ERG: variants seen among roughly 807,000 people sequenced by gnomAD.
The protein encoded by ERG is transcriptional regulator ERG.
ERG carries 9 observed loss-of-function variants against 55.3 expected under a neutral mutation model. The ratio of observed to expected loss-of-function variants is 0.16; its 90% CI spans 0.10 to 0.28. The LOEUF (loss-of-function observed/expected upper bound fraction) is 0.28. ERG is among the 10% of genes least tolerant of loss of function. The pLI, the probability that ERG is intolerant of heterozygous loss-of-function variation, is 1.00. For synonymous variants in ERG, 223 were observed against 237.3 expected (o/e 0.94, Z 0.55); for missense variants, 434 against 631.6 (o/e 0.69, Z 3.35).
chr21:38,530,140 A>C (rs2059661874), intron 2 of ERG, among the ~76,000 whole-genome samples: 1 of 150,042 alleles, frequency 6.7e-6, no homozygotes, highest in Admixed American at 6.7e-5. Flanking sequence ...GCTCACTGCA[A>C]CCTCCGCCTC....
intron 1 of ERG, among the ~76,000 whole-genome samples, chr21:38,452,075 A>C (rs2058946593): frequency 6.6e-6 from 1 of 152,248 alleles, no homozygotes; most frequent in African/African-American, 2.4e-5. Flanking sequence ...ACTATAAAAA[A>C]AATCTTGGAT....
intron 2 of ERG, among the ~76,000 whole-genome samples, chr21:38,557,104 T>A (rs1384632201): frequency 6.6e-6 from 1 of 152,190 alleles, no homozygotes; most frequent in Non-Finnish European, 1.5e-5. Flanking sequence ...TGTATTCAGC[T>A]ACTCCAAAGC....
intron 1 of ERG, among the ~76,000 whole-genome samples, chr21:38,464,762 G>A (rs914788515): frequency 6.6e-6 from 1 of 151,052 alleles, no homozygotes; most frequent in Non-Finnish European, 1.5e-5. Flanking sequence ...TCCCCTCCTT[G>A]TGTCCATGTA....
intron 1 of ERG, among the ~76,000 whole-genome samples, chr21:38,576,043 G>A (rs1281602516): frequency 1.3e-5 from 2 of 152,282 alleles, no homozygotes; most frequent in East Asian, 3.9e-4. Flanking sequence ...ATCCTTCCAC[G>A]TGGGCAGCAT....
At chr21:38,549,927 T>C (rs1264583791) in intron 2 of ERG, among the ~76,000 whole-genome samples, 1 of 152,188 alleles carries the variant, frequency 6.6e-6, no homozygotes, top group Non-Finnish European at 1.5e-5. Context: ...TGCAGATGCC[T>C]CTGATAGGTT....
At chr21:38,540,918 A>G (rs2059747320) in intron 2 of ERG, among the ~76,000 whole-genome samples, 1 of 152,208 alleles carries the variant, frequency 6.6e-6, no homozygotes, top group Non-Finnish European at 1.5e-5. Flanking sequence ...CCAGCAATGC[A>G]GCAGAATCCA....
chr21:38,521,748 G>A (rs1350541715), intron 2 of ERG, among the ~76,000 whole-genome samples: 1 of 152,186 alleles, frequency 6.6e-6, no homozygotes, highest in Non-Finnish European at 1.5e-5. Flanking sequence ...GCTCCCCTGA[G>A]GAGACAGGAA....
chr21:38,387,857 T>C (rs1214945207), intron 9 of ERG, among the ~76,000 whole-genome samples: 2 of 152,226 alleles, frequency 1.3e-5, no homozygotes, highest in African/African-American at 4.8e-5. Flanking sequence ...GATTAGTCCA[T>C]TGGAGAAGTG....
chr21:38,429,204 A>G (rs1989988901), intron 2 of ERG, among the ~76,000 whole-genome samples: 1 of 151,866 alleles, frequency 6.6e-6, no homozygotes, highest in Non-Finnish European at 1.5e-5. Flanking sequence ...AGTTGCTGCA[A>G]ATGCCATTTT....
chr21:38,400,400 G>T, intron 6 of ERG, 174 bp downstream of exon 6: 1 of 730,432 alleles, frequency 1.4e-6, no homozygotes. Flanking sequence ...GTCTTTGAAT[G>T]AAATGGTTTG....
At chr21:38,375,029 ATATGAG>A (rs760868586), downstream of ERG, among the ~76,000 whole-genome samples, 38 of 152,296 alleles carry the variant, frequency 2.5e-4, no homozygotes, top group Non-Finnish European at 4.4e-4. Flanking sequence ...TCAGCCCACT[ATATGAG>A]TATGAGTATC....
At chr21:38,641,499 C>T (rs2146970853) in intron 1 of ERG, among the ~76,000 whole-genome samples, 1 of 152,336 alleles carries the variant, frequency 6.6e-6, no homozygotes, top group East Asian at 1.9e-4. Flanking sequence ...AGGGCTGTTG[C>T]ATCTGCCCCT....
intron 2 of ERG, among the ~76,000 whole-genome samples, chr21:38,519,720 T>C (rs941480837): frequency 2.6e-5 from 4 of 152,150 alleles, no homozygotes; most frequent in African/African-American, 9.7e-5. Flanking sequence ...AATTCCACTA[T>C]TTAATACATG....
intron 2 of ERG, among the ~76,000 whole-genome samples, chr21:38,521,672 T>C (rs2059595858): frequency 6.6e-6 from 1 of 152,132 alleles, no homozygotes; most frequent in Non-Finnish European, 1.5e-5. Flanking sequence ...AGTGTGGAAG[T>C]TTGGAAACTA....
At chr21:38,554,097 A>T (rs1278147881) in intron 2 of ERG, among the ~76,000 whole-genome samples, 1 of 152,210 alleles carries the variant, frequency 6.6e-6, no homozygotes, top group Non-Finnish European at 1.5e-5. Flanking sequence ...AACATCACTA[A>T]TCACTAGAGA....
chr21:38,558,559 T>C (rs4817950), intron 2 of ERG, among the ~76,000 whole-genome samples: 104,285 of 152,066 alleles, frequency 0.69, 36,420 homozygotes, highest in Non-Finnish European at 0.76. Flanking sequence ...TCTCCAAATC[T>C]TTGAATAGTA....
At chr21:38,581,562 C>T (rs6517472) in intron 1 of ERG, among the ~76,000 whole-genome samples, 132,252 of 152,130 alleles carry the variant, frequency 0.87, 57,586 homozygotes, top group Middle Eastern at 0.91. Context: ...TGCTCAGAAC[C>T]TTCAGCCCCA....
chr21:38,623,646 G>C (rs537288157), intron 1 of ERG, among the ~76,000 whole-genome samples: 1 of 152,184 alleles, frequency 6.6e-6, no homozygotes, highest in African/African-American at 2.4e-5. Context: ...GTAGCAGAGC[G>C]TGAGGTCCTA....
intron 2 of ERG, 23 bp downstream of exon 2, chr21:38,445,380 AG>A: frequency 1.3e-6 from 2 of 1,581,982 alleles, no homozygotes; most frequent in South Asian, 2.2e-5. Flanking sequence ...GGTCAGGGAG[AG>A]AAAGGGGCGG....
Sources: allele counts gnomAD v4.1 joint callset (sites outside exome capture counted in the v4.1 genomes callset), GRCh38; gene constraint gnomAD v4.1.1; transcripts MANE v1.5; gene names NCBI Gene and HGNC (gene_info 2026-07-23, HGNC 2026-07-21).